PTPRN2: variants seen among roughly 807,000 people sequenced by gnomAD.
The protein encoded by PTPRN2 is receptor-type tyrosine-protein phosphatase N2.
Under a neutral mutation model 118.8 loss-of-function variants are expected in PTPRN2, and 74 were observed. The ratio of observed to expected loss-of-function variants is 0.62; its 90% CI spans 0.52 to 0.76. The LOEUF (loss-of-function observed/expected upper bound fraction) is 0.76. Ranked by LOEUF, PTPRN2 falls within the 30% of genes least tolerant of loss-of-function variation. The pLI is 0.00. For missense variants in PTPRN2, 1,481 were observed against 1,394.4 expected, an observed-to-expected ratio of 1.06 and a Z score of -0.99; for synonymous variants, 641 against 608.0, an observed-to-expected ratio of 1.05 and a Z score of -0.80.
intron 12 of PTPRN2, among the ~76,000 whole-genome samples, chr7:157,810,773 G>GGCTT (rs1805975299): frequency 6.7e-6 from 1 of 150,158 alleles, no homozygotes; most frequent in African/African-American, 2.5e-5. Flanking sequence ...GCTGGGCACA[G>GGCTT]GCTCTCCACA....
At chr7:157,707,881 G>A (rs899327939) in intron 12 of PTPRN2, among the ~76,000 whole-genome samples, 2 of 152,232 alleles carry the variant, frequency 1.3e-5, no homozygotes, top group Admixed American at 6.5e-5. Flanking sequence ...GAGCCACTGC[G>A]CCCAGCCAGA....
chr7:158,328,870 CA>C (rs1407651339), intron 2 of PTPRN2, among the ~76,000 whole-genome samples: 1 of 138,630 alleles, frequency 7.2e-6, no homozygotes, highest in Non-Finnish European at 1.5e-5. Flanking sequence ...CCCTGAGCGA[CA>C]AGCGGGACCT....
rs931357491 is a variant in PTPRN2, at chr7:157,684,803, C to T, written c.1789-1866G>A. ...CCCCGGGCCGGGGTCTCCTCGGTCC[C>T]CGCGCGGGCGCTGGTTCTCCCGGGT... On this transcript the variant is annotated intron_variant, in intron 12 of 22. Transcript: ENST00000389418. Among the ~76,000 whole-genome samples, 10 of 152,112 alleles carry T rather than the reference C, an allele frequency of 6.6e-5. No individual in the cohort carries two copies. In the South Asian group the frequency reaches 2.1e-3, roughly 32 times the overall value.
chr7:158,500,982 C>T (rs114112952), intron 1 of PTPRN2, among the ~76,000 whole-genome samples: 1 of 152,354 alleles, frequency 6.6e-6, no homozygotes, highest in South Asian at 2.1e-4. Flanking sequence ...CTCCGGGCCA[C>T]GTCCGCTGGG....
chr7:157,938,259 C>T (rs1417892430), intron 11 of PTPRN2, among the ~76,000 whole-genome samples: 2 of 152,226 alleles, frequency 1.3e-5, no homozygotes, highest in African/African-American at 4.8e-5. Flanking sequence ...TTGGAAATTA[C>T]ATCTGAACTG....
At chr7:157,891,407 A>ACCCCCCCCCCCCCCCCC (rs1402684258) in intron 12 of PTPRN2, among the ~76,000 whole-genome samples, 1 of 69,934 alleles carries the variant, frequency 1.4e-5, no homozygotes, top group Admixed American at 1.5e-4. Context: ...GAGCATCCCC[A>ACCCCCCCCCCCCCCCCC]CACCCCCCGC....
At chr7:158,346,337 CTG>C (rs1030201154) in intron 2 of PTPRN2, among the ~76,000 whole-genome samples, 3 of 152,190 alleles carry the variant, frequency 2.0e-5, no homozygotes, top group Admixed American at 2.0e-4. Flanking sequence ...CTCTCTGCTA[CTG>C]TGAGTTCAAT....
At chr7:157,564,157 GTTTC>G (rs1276363917) in intron 21 of PTPRN2, among the ~76,000 whole-genome samples, 32 of 152,168 alleles carry the variant, frequency 2.1e-4, no homozygotes, top group African/African-American at 7.7e-4. Flanking sequence ...TTGAGATGGA[GTTTC>G]TTTCTTGTTG....
intron 2 of PTPRN2, among the ~76,000 whole-genome samples, chr7:158,375,617 A>G (rs1810442240): frequency 6.6e-6 from 1 of 152,244 alleles, no homozygotes; most frequent in Non-Finnish European, 1.5e-5. Flanking sequence ...GTGGCCCTCA[A>G]TGGGAACAGG....
chr7:158,086,996 C>T (rs776988552), intron 10 of PTPRN2, among the ~76,000 whole-genome samples: 12 of 152,134 alleles, frequency 7.9e-5, no homozygotes, highest in East Asian at 5.8e-4. Flanking sequence ...CCTCGCGGGG[C>T]GATTTTGCAC....
chr7:158,136,009 A>AG (rs1344834630), intron 8 of PTPRN2, among the ~76,000 whole-genome samples: 1 of 152,236 alleles, frequency 6.6e-6, no homozygotes, highest in African/African-American at 2.4e-5. Context: ...AGGGAAGGCC[A>AG]GTGTCTAGCT....
At chr7:158,337,591 A>G (rs1240736139) in intron 2 of PTPRN2, among the ~76,000 whole-genome samples, 6 of 137,792 alleles carry the variant, frequency 4.4e-5, no homozygotes, top group African/African-American at 1.4e-4. Flanking sequence ...TGCAGACGTC[A>G]CTCACACCCA....
chr7:157,854,040 C>A (rs1809495477), intron 12 of PTPRN2, among the ~76,000 whole-genome samples: 1 of 152,234 alleles, frequency 6.6e-6, no homozygotes, highest in African/African-American at 2.4e-5. Context: ...GCCCTGCCCA[C>A]ACATTGACCC....
chr7:157,692,095 G>A (rs560977990), intron 12 of PTPRN2, among the ~76,000 whole-genome samples: 1 of 152,330 alleles, frequency 6.6e-6, no homozygotes, highest in East Asian at 1.9e-4. Context: ...AGTCTGCGGA[G>A]GGCTCTTTAG....
chr7:158,495,968 C>T (rs1312057652), intron 1 of PTPRN2, among the ~76,000 whole-genome samples: 6 of 152,010 alleles, frequency 3.9e-5, no homozygotes, highest in African/African-American at 1.4e-4. Flanking sequence ...AGGGAGGCAG[C>T]CCTGGCAGCT....
intron 12 of PTPRN2, among the ~76,000 whole-genome samples, chr7:157,879,646 G>T (rs550201303): frequency 6.6e-6 from 1 of 151,756 alleles, no homozygotes; most frequent in Admixed American, 6.6e-5. Flanking sequence ...ATTAAACTCT[G>T]AGGATGCTGA....
rs562292395 is a variant in PTPRN2 at position 158,507,989 on chromosome 7, G to A, written c.113-18204C>T. ...AGGACCATCCGGGGAACAGCCCCGTGCTAGGCAGGAAATTGCATACACAGA... is the reference window on the plus strand; with the variant it reads ...AGGACCATCCGGGGAACAGCCCCGTACTAGGCAGGAAATTGCATACACAGA... On this transcript the variant is annotated intron_variant, in intron 1 of 22. Transcript: ENST00000389418. Among the ~76,000 whole-genome samples, 57 of 150,938 alleles carry A rather than the reference G, an allele frequency of 3.8e-4. No individual in the cohort carries two copies. In the South Asian group the frequency reaches 0.012, roughly 31 times the overall value.
intron 17 of PTPRN2, among the ~76,000 whole-genome samples, chr7:157,586,753 TC>T (rs1221418315): frequency 1.3e-5 from 2 of 151,436 alleles, no homozygotes; most frequent in Non-Finnish European, 2.9e-5. Context: ...ATGCTCAGGG[TC>T]CCCGCTGTTG....
At chr7:158,278,415 C>T (rs577041845) in intron 3 of PTPRN2, among the ~76,000 whole-genome samples, 15 of 146,996 alleles carry the variant, frequency 1.0e-4, no homozygotes, top group South Asian at 2.1e-4. Flanking sequence ...CGGGAGGCTG[C>T]GGGTGAAGGT....
Sources: gnomAD v4.1 joint callset for allele counts (sites outside exome capture counted in the v4.1 genomes callset) on GRCh38, gnomAD v4.1.1 for gene constraint, MANE v1.5 for transcripts, NCBI Gene and HGNC (gene_info 2026-07-23, HGNC 2026-07-21) for gene names.